Variants in HKDC1 observed in about 807,000 individuals in gnomAD.
The protein encoded by HKDC1 is hexokinase HKDC1.
In HKDC1, 66 loss-of-function variants were observed where a neutral mutation model predicts 96.6. That is an observed-to-expected ratio of 0.68 (90% confidence interval 0.56 to 0.84). The LOEUF (loss-of-function observed/expected upper bound fraction) is 0.84, where lower values mean the gene tolerates loss of function less well. Among genes scored for constraint, HKDC1 ranks in the 40% least tolerant of loss-of-function variants. The pLI, the probability that HKDC1 is intolerant of heterozygous loss-of-function variation, is 0.00. For missense variants in HKDC1, 1,211 were observed against 1,208.1 expected, an observed-to-expected ratio of 1.00 and a Z score of -0.04; for synonymous variants, 466 against 473.1, an observed-to-expected ratio of 0.98 and a Z score of 0.20.
chr10:69,261,372 T>A, intron 16 of HKDC1, 78 bp downstream of exon 16: 1 of 1,448,486 alleles, frequency 6.9e-7, no homozygotes, highest in Non-Finnish European at 9.6e-7. Flanking sequence ...CAATTTGAGG[T>A]TTAAAAATAA....
chr10:69,236,065 A>G (rs1425078535), intron 4 of HKDC1, among the ~76,000 whole-genome samples: 3 of 152,114 alleles, frequency 2.0e-5, no homozygotes, highest in Non-Finnish European at 4.4e-5. Context: ...CTTTCCAGAA[A>G]GACACCACTT....
chr10:69,223,900 A>C (rs986903455), intron 1 of HKDC1, among the ~76,000 whole-genome samples: 1 of 150,778 alleles, frequency 6.6e-6, no homozygotes, highest in African/African-American at 2.4e-5. Flanking sequence ...GATACTTTCA[A>C]AAACATTTTT....
intron 16 of HKDC1, among the ~76,000 whole-genome samples, chr10:69,262,690 T>C (rs530422827): frequency 1.1e-3 from 161 of 152,298 alleles, no homozygotes; most frequent in Non-Finnish European, 2.0e-3. Context: ...GAGTTCTTAT[T>C]GTTTAAGGAG....
chr10:69,265,578 C>T lies in HKDC1; in HGVS notation c.2373-7C>T. The T allele has an allele frequency of 6.2e-7, 1 of 1,613,106 alleles. No homozygotes were observed. The highest frequency in any genetic ancestry group is 1.1e-5 in the South Asian group (1 of 91,012). ...CAGGTCCTGACTCCCTGCTCTATTGCCTGCAGCGATCGGCTGGCCCTTCTC... is the reference window on the plus strand; with the variant it reads ...CAGGTCCTGACTCCCTGCTCTATTGTCTGCAGCGATCGGCTGGCCCTTCTC... On this transcript the variant is annotated splice_polypyrimidine_tract_variant and splice_region_variant and intron_variant, in intron 16 of 17. Coordinates refer to ENST00000354624, the MANE Select transcript of HKDC1 (RefSeq NM_025130.4).
chr10:69,227,087 C>T, intron 1 of HKDC1, 120 bp from the exon 2 acceptor site: 1 of 1,111,234 alleles, frequency 9.0e-7, no homozygotes, highest in Non-Finnish European at 1.3e-6. Flanking sequence ...TGGGAATCCA[C>T]ATCTCAATGC....
In HKDC1 at chr10:69,266,760, A is replaced by G. The variant is rs771463990; in HGVS notation, c.*3A>G. The stretch of plus-strand genomic sequence containing the variant: ...AGCAGGCACAGAAGGAGAACTAGGA[A>G]CCCCTGGGATTGGACCTGATGCATC... On this transcript the variant is annotated 3_prime_UTR_variant, in exon 18 of 18. Coordinates refer to ENST00000354624, the MANE Select transcript of HKDC1 (RefSeq NM_025130.4). The G allele has an allele frequency of 6.2e-7, 1 of 1,610,830 alleles. No homozygotes were observed. The highest frequency in any genetic ancestry group is 8.5e-7 in the Non-Finnish European group (1 of 1,178,932).
chr10:69,220,888 G>C (rs1843049854), intron 1 of HKDC1, among the ~76,000 whole-genome samples: 1 of 152,180 alleles, frequency 6.6e-6, no homozygotes, highest in Non-Finnish European at 1.5e-5. Flanking sequence ...AGTGGCTCAC[G>C]CCTGTAATCC....
chr10:69,265,885 A>G, intron 17 of HKDC1, 67 bp downstream of exon 17: 2 of 1,165,354 alleles, frequency 1.7e-6, no homozygotes, highest in Non-Finnish European at 1.3e-6. Flanking sequence ...TGGACTTGGC[A>G]TAGCCTCCTG....
intron 1 of HKDC1, chr10:69,222,858 A>T (rs1843088502): frequency 6.6e-6 from 1 of 152,176 alleles, no homozygotes; most frequent in Non-Finnish European, 1.5e-5. Flanking sequence ...ACTCCTCCCA[A>T]CACGTGGTGG....
At chr10:69,245,127 C>T (rs1433720146) in intron 7 of HKDC1, among the ~76,000 whole-genome samples, 3 of 152,180 alleles carry the variant, frequency 2.0e-5, no homozygotes, top group Non-Finnish European at 1.5e-5. Flanking sequence ...TGGTCTCAAA[C>T]TCTTGACCTT....
rs565122595 is a variant in HKDC1 at position 69,224,820 on chromosome 10, T to C, written c.64-2387T>C. Among the ~76,000 whole-genome samples the C allele has an allele frequency of 5.3e-5, 8 of 152,304 alleles. No individual in the cohort carries two copies. In the South Asian group the frequency reaches 1.7e-3, roughly 32 times the overall value. On this transcript the variant is annotated intron_variant, in intron 1 of 17. Coordinates refer to ENST00000354624, the MANE Select transcript of HKDC1 (RefSeq NM_025130.4). ...CGGGCTGCTGGTTGGCTTTCTTGCT[T>C]AGACGATATCTCCCATGATGGTTTG... is the stretch of plus-strand genomic sequence containing the variant.
At chr10:69,265,327 T>C in intron 16 of HKDC1, 1 of 480,690 alleles carries the variant, frequency 2.1e-6, no homozygotes, top group Non-Finnish European at 3.7e-6. Flanking sequence ...ATATGGCTTC[T>C]AGTGAGATCA....
intron 4 of HKDC1, among the ~76,000 whole-genome samples, chr10:69,235,043 G>T (rs1306803365): frequency 6.6e-6 from 1 of 151,050 alleles, no homozygotes; most frequent in Admixed American, 6.6e-5. Context: ...CGGGAGGATT[G>T]CTTGAGCCAG....
chr10:69,259,557 A>C (rs984715013), intron 15 of HKDC1, among the ~76,000 whole-genome samples: 2 of 152,206 alleles, frequency 1.3e-5, no homozygotes, highest in Non-Finnish European at 2.9e-5. Context: ...TAGAGCTGGC[A>C]TGTGATATTA....
At chr10:69,234,463 C>T (rs1843330526) in intron 4 of HKDC1, among the ~76,000 whole-genome samples, 1 of 152,138 alleles carries the variant, frequency 6.6e-6, no homozygotes, top group African/African-American at 2.4e-5. Flanking sequence ...CTATATTGCC[C>T]AAGCTGGTCT....
At chr10:69,235,669 GA>G (rs936292516) in intron 4 of HKDC1, among the ~76,000 whole-genome samples, 1 of 152,146 alleles carries the variant, frequency 6.6e-6, no homozygotes, top group African/African-American at 2.4e-5. Context: ...GAAGAAGGAA[GA>G]AAATTCTCAA....
At chr10:69,232,664 T>G (rs1408390610) in intron 2 of HKDC1, 100 bp from the exon 3 acceptor site, 178 of 1,100,646 alleles carry the variant, frequency 1.6e-4, no homozygotes, top group Middle Eastern at 5.7e-4. Flanking sequence ...CTAGTGGCTG[T>G]GATTTGAAGA....
chr10:69,242,557 C>T (rs1843471366), intron 6 of HKDC1, among the ~76,000 whole-genome samples: 6 of 152,126 alleles, frequency 3.9e-5, no homozygotes, highest in Admixed American at 2.0e-4. Context: ...CACCACAATC[C>T]GATTTTAGAA....
chr10:69,226,450 C>T (rs993730011), intron 1 of HKDC1, among the ~76,000 whole-genome samples: 2 of 151,804 alleles, frequency 1.3e-5, no homozygotes, highest in African/African-American at 4.8e-5. Flanking sequence ...AGTTCAAGAA[C>T]AGCCTGGCCA....
Sources: gnomAD v4.1 joint callset for allele counts (sites outside exome capture counted in the v4.1 genomes callset) on GRCh38, gnomAD v4.1.1 for gene constraint, MANE v1.5 for transcripts, NCBI Gene and HGNC (gene_info 2026-07-23, HGNC 2026-07-21) for gene names.